SNTG1: variants seen among roughly 807,000 people sequenced by gnomAD.
The protein encoded by SNTG1 is syntrophin gamma 1, also known as gamma-1-syntrophin.
A neutral mutation model predicts 74.7 loss-of-function variants in SNTG1; 39 were observed. The ratio of observed to expected loss-of-function variants is 0.52; its 90% confidence interval spans 0.40 to 0.68. The LOEUF is 0.68. SNTG1 is among the 30% of genes least tolerant of loss of function. SNTG1 has a pLI of 0.00. For synonymous variants in SNTG1, 254 were observed against 217.1 expected, an observed-to-expected ratio of 1.17 and a Z score of -1.49; for missense variants, 685 against 609.5, an observed-to-expected ratio of 1.12 and a Z score of -1.30.
chr8:50,658,260 T>TA lies in SNTG1; in HGVS notation c.967-322dup, dbSNP rs67305616. Among the ~76,000 whole-genome samples the TA allele has an allele frequency of 5.0e-3, 746 of 150,046 alleles. 5 individuals are homozygous for TA. The highest frequency in any genetic ancestry group is 6.4e-3 in the Non-Finnish European group (430 of 67,278). On this transcript the variant is annotated intron_variant, in intron 14 of 18. Transcript: ENST00000642720. ...TCTCTGTATTTAACTAGTGGTAAAT[T>TA]AAAAAAAAAATATGAGTGTGGAATG...
chr8:50,675,263 T>C (rs764676454), intron 15 of SNTG1, among the ~76,000 whole-genome samples: 1 of 152,060 alleles, frequency 6.6e-6, no homozygotes, highest in Non-Finnish European at 1.5e-5. Context: ...GACAACTGGG[T>C]GTTAAAGTCT....
chr8:50,743,531 T>C (rs963050708), intron 17 of SNTG1, among the ~76,000 whole-genome samples: 1 of 151,760 alleles, frequency 6.6e-6, no homozygotes, highest in Non-Finnish European at 1.5e-5. Context: ...ACAGATAATA[T>C]TATATCCAAT....
chr8:50,443,903 G>A (rs1254995428), intron 5 of SNTG1, among the ~76,000 whole-genome samples: 7 of 152,036 alleles, frequency 4.6e-5, no homozygotes. Flanking sequence ...GGAGGCCAAG[G>A]CAGGCGGATC....
chr8:50,278,381 G>A (rs149363312), intron 2 of SNTG1, among the ~76,000 whole-genome samples: 1 of 152,232 alleles, frequency 6.6e-6, no homozygotes, highest in Non-Finnish European at 1.5e-5. Context: ...CTTTATGTCT[G>A]TCTGTTGGCT....
intron 12 of SNTG1, among the ~76,000 whole-genome samples, chr8:50,554,192 G>A (rs1027610654): frequency 2.0e-5 from 3 of 152,142 alleles, no homozygotes; most frequent in Non-Finnish European, 2.9e-5. Context: ...AAAGGCAACT[G>A]TCTAGTTTCC....
chr8:50,399,312 C>G lies in SNTG1; in HGVS notation c.28-2898C>G, dbSNP rs16914820. 5.6e-3 allele frequency among the ~76,000 whole-genome samples: 854 copies of G among 152,236 alleles called. 13 individuals are homozygous for G. Among genetic ancestry groups the G allele is most frequent in the African/African-American group, 0.02 (818 of 41,536 alleles). On this transcript the variant is annotated intron_variant, in intron 3 of 18. Coordinates refer to ENST00000642720, the MANE Select transcript of SNTG1 (RefSeq NM_018967.5). Reference sequence around the variant, plus strand: ...TCCTTTCAGAACCCAAAAGCGAGCTCAAAGACTGTATTCTGTTTTCCAGAC... The same window carrying G: ...TCCTTTCAGAACCCAAAAGCGAGCTGAAAGACTGTATTCTGTTTTCCAGAC...
chr8:50,648,087 G>GT (rs1439552533), intron 13 of SNTG1, among the ~76,000 whole-genome samples: 5 of 152,136 alleles, frequency 3.3e-5, no homozygotes, highest in Non-Finnish European at 7.4e-5. Flanking sequence ...CCCTTTTCCT[G>GT]TTTGGCATAG....
chr8:50,195,370 C>G (rs1415793165), intron 2 of SNTG1, among the ~76,000 whole-genome samples: 1 of 151,990 alleles, frequency 6.6e-6, no homozygotes, highest in Non-Finnish European at 1.5e-5. Flanking sequence ...TACCTGCCTT[C>G]CAGCTGTGAA....
chr8:50,352,508 A>G (rs1329173831), intron 2 of SNTG1, among the ~76,000 whole-genome samples: 1 of 151,794 alleles, frequency 6.6e-6, no homozygotes, highest in East Asian at 1.9e-4. Context: ...CTCCTGTCTT[A>G]GCCTCCCAAG....
chr8:50,588,969 G>A (rs2094672929), intron 12 of SNTG1, among the ~76,000 whole-genome samples: 1 of 151,298 alleles, frequency 6.6e-6, no homozygotes, highest in African/African-American at 2.4e-5. Flanking sequence ...CTAGTTGTTG[G>A]CATATCACAC....
intron 8 of SNTG1, among the ~76,000 whole-genome samples, chr8:50,468,290 A>G (rs2093625447): frequency 6.6e-6 from 1 of 152,058 alleles, no homozygotes; most frequent in South Asian, 2.1e-4. Context: ...TTTTTGCCAC[A>G]CATATAATAA....
At chr8:50,451,210 C>T (rs1257609534) in intron 8 of SNTG1, among the ~76,000 whole-genome samples, 2 of 151,956 alleles carry the variant, frequency 1.3e-5, no homozygotes, top group Non-Finnish European at 2.9e-5. Context: ...AAAAATAATA[C>T]AAAAAATAAT....
chr8:49,988,396 A>G (rs1253257499), intron 1 of SNTG1, among the ~76,000 whole-genome samples: 1 of 152,218 alleles, frequency 6.6e-6, no homozygotes, highest in African/African-American at 2.4e-5. Context: ...AGTGCAAATG[A>G]TACACAGAGT....
At chr8:50,252,549 A>G (rs2086688839) in intron 2 of SNTG1, among the ~76,000 whole-genome samples, 1 of 152,222 alleles carries the variant, frequency 6.6e-6, no homozygotes, top group Non-Finnish European at 1.5e-5. Flanking sequence ...ACAGATACAA[A>G]GGTTGCACAC....
intron 2 of SNTG1, among the ~76,000 whole-genome samples, chr8:50,309,715 C>A (rs1052612088): frequency 6.6e-6 from 1 of 152,116 alleles, no homozygotes; most frequent in African/African-American, 2.4e-5. Context: ...ACATTGGCTT[C>A]TGAGAGACGA....
intron 2 of SNTG1, among the ~76,000 whole-genome samples, chr8:50,182,220 C>A (rs2083231161): frequency 6.6e-6 from 1 of 152,144 alleles, no homozygotes; most frequent in Non-Finnish European, 1.5e-5. Flanking sequence ...AATAATAACA[C>A]CAGTCAAGTT....
intron 2 of SNTG1, among the ~76,000 whole-genome samples, chr8:50,305,433 A>C (rs952398883): frequency 6.6e-6 from 1 of 151,860 alleles, no homozygotes; most frequent in East Asian, 1.9e-4. Context: ...TGGTTTTTCC[A>C]GGTTTGATGT....
chr8:50,124,630 T>C (rs1479380887), intron 1 of SNTG1, among the ~76,000 whole-genome samples: 1 of 142,452 alleles, frequency 7.0e-6, no homozygotes, highest in South Asian at 2.6e-4. Flanking sequence ...CTTTTAATCC[T>C]CTGCTTATAA....
At chr8:50,744,870 C>G (rs1278277884) in intron 17 of SNTG1, among the ~76,000 whole-genome samples, 1 of 151,872 alleles carries the variant, frequency 6.6e-6, no homozygotes, top group Admixed American at 6.6e-5. Context: ...AAAGTTAGAC[C>G]CTGGCCTTAT....
Sources: allele counts gnomAD v4.1 joint callset (sites outside exome capture counted in the v4.1 genomes callset), GRCh38; gene constraint gnomAD v4.1.1; transcripts MANE v1.5; gene names NCBI Gene and HGNC (gene_info 2026-07-23, HGNC 2026-07-21).